Variants in ARHGAP6 observed in about 807,000 individuals in gnomAD.
The protein encoded by ARHGAP6 is rho GTPase-activating protein 6.
In ARHGAP6, 16 loss-of-function variants were observed where a neutral mutation model predicts 55.7. The ratio of observed to expected loss-of-function variants is 0.29; its 90% CI spans 0.19 to 0.44. The LOEUF (loss-of-function observed/expected upper bound fraction) is 0.44. Among genes scored for constraint, ARHGAP6 ranks in the 20% least tolerant of loss-of-function variants. The pLI is 1.00. For synonymous variants in ARHGAP6, 382 were observed against 360.9 expected, an observed-to-expected ratio of 1.06 and a Z score of -0.66; for missense variants, 698 against 808.9, an observed-to-expected ratio of 0.86 and a Z score of 1.66.
intron 1 of ARHGAP6, among the ~76,000 whole-genome samples, chrX:11,400,275 A>G (rs1182534990): frequency 1.8e-5 from 2 of 111,429 alleles, no homozygotes; most frequent in Non-Finnish European, 3.8e-5. Context: ...TCACTGCAGG[A>G]GTTCAGTGGA....
chrX:11,234,299 A>C (rs190699515), intron 2 of ARHGAP6, among the ~76,000 whole-genome samples: 46 of 112,195 alleles, frequency 4.1e-4, no homozygotes, highest in Admixed American at 1.3e-3. Context: ...TCACTAGTTC[A>C]TACCTCTCTG....
intron 1 of ARHGAP6, among the ~76,000 whole-genome samples, chrX:11,324,829 T>C (rs1420905381): frequency 3.6e-5 from 4 of 112,316 alleles, no homozygotes; most frequent in African/African-American, 1.3e-4. Flanking sequence ...CTCTCATATA[T>C]GCAGCACAAA....
intron 1 of ARHGAP6, among the ~76,000 whole-genome samples, chrX:11,547,391 T>C (rs2051221990): frequency 8.9e-6 from 1 of 112,072 alleles, no homozygotes; most frequent in African/African-American, 3.2e-5. Flanking sequence ...AGATTCTGCA[T>C]TTCTAATTAT....
intron 1 of ARHGAP6, among the ~76,000 whole-genome samples, chrX:11,653,981 C>A (rs7063304): frequency 0.33 from 35,975 of 110,305 alleles, 4,438 homozygotes; most frequent in African/African-American, 0.44. Context: ...CATCATCATC[C>A]TCACCCATCA....
At chrX:11,483,884 G>T (rs2050484409) in intron 1 of ARHGAP6, among the ~76,000 whole-genome samples, 2 of 111,543 alleles carry the variant, frequency 1.8e-5, no homozygotes, top group Admixed American at 1.9e-4. Context: ...AGTGGAAGAA[G>T]TTAAAGCCAG....
intron 1 of ARHGAP6, among the ~76,000 whole-genome samples, chrX:11,588,759 TGAG>T (rs1478203544): frequency 1.8e-5 from 2 of 111,792 alleles, no homozygotes; most frequent in African/African-American, 6.5e-5. Context: ...TTCTTAGGGC[TGAG>T]GAGGAGAACG....
intron 1 of ARHGAP6, among the ~76,000 whole-genome samples, chrX:11,537,879 G>A (rs2051119210): frequency 9.1e-6 from 1 of 110,222 alleles, no homozygotes; most frequent in African/African-American, 3.3e-5. Flanking sequence ...GAGAGAATGA[G>A]AATTAAAAAA....
chrX:11,473,544 C>T (rs1423178129), intron 1 of ARHGAP6, among the ~76,000 whole-genome samples: 1 of 111,263 alleles, frequency 9.0e-6, no homozygotes, highest in Non-Finnish European at 1.9e-5. Context: ...GAGGCAGAGA[C>T]TGGAGTCATG....
chrX:11,275,461 C>G (rs780502013), intron 1 of ARHGAP6, among the ~76,000 whole-genome samples: 2 of 111,647 alleles, frequency 1.8e-5, no homozygotes, highest in Non-Finnish European at 3.8e-5. Flanking sequence ...TCCTATGTCT[C>G]TCCTACTCAC....
chrX:11,410,965 G>A (rs1268835205), intron 1 of ARHGAP6, among the ~76,000 whole-genome samples: 1 of 107,409 alleles, frequency 9.3e-6, no homozygotes, highest in African/African-American at 3.4e-5. Flanking sequence ...AATAAAAAGA[G>A]AGAAACAAAC....
At chrX:11,661,072 G>A (rs764643096) in intron 1 of ARHGAP6, among the ~76,000 whole-genome samples, 12 of 112,191 alleles carry the variant, frequency 1.1e-4, no homozygotes, top group Admixed American at 2.8e-4. Context: ...AAGTATAGAC[G>A]CCAGTGATAT....
chrX:11,294,012 C>G (rs1281008086), intron 1 of ARHGAP6, among the ~76,000 whole-genome samples: 3 of 112,464 alleles, frequency 2.7e-5, no homozygotes, highest in Non-Finnish European at 5.6e-5. Context: ...TTAGGAGGAC[C>G]TGTTTTGCTT....
chrX:11,231,621 T>C (rs986086502), intron 2 of ARHGAP6, among the ~76,000 whole-genome samples: 2 of 112,264 alleles, frequency 1.8e-5, no homozygotes, highest in Non-Finnish European at 3.8e-5. Context: ...TAAATTAAGG[T>C]GATCCAGTCA....
intron 1 of ARHGAP6, among the ~76,000 whole-genome samples, chrX:11,322,252 G>A (rs2048441970): frequency 9.0e-6 from 1 of 111,688 alleles, no homozygotes; most frequent in Non-Finnish European, 1.9e-5. Flanking sequence ...CAGCATCCTT[G>A]GCCAGTAGCA....
chrX:11,465,945 C>CCTCCTCCTCCTCTTCCTT (rs1556022951), intron 1 of ARHGAP6, among the ~76,000 whole-genome samples: 81 of 110,142 alleles, frequency 7.4e-4, no homozygotes, highest in Non-Finnish European at 1.3e-3. Context: ...TCCTCCTCTT[C>CCTCCTCCTCCTCTTCCTT]CTCCTCCTCC....
intron 1 of ARHGAP6, among the ~76,000 whole-genome samples, chrX:11,267,288 G>C (rs1381218136): frequency 8.9e-6 from 1 of 112,159 alleles, no homozygotes; most frequent in African/African-American, 3.2e-5. Flanking sequence ...ATGTAGTTCT[G>C]ACTGAGCACT....
intron 2 of ARHGAP6, among the ~76,000 whole-genome samples, chrX:11,239,063 T>C (rs980519534): frequency 8.9e-6 from 1 of 111,743 alleles, no homozygotes; most frequent in African/African-American, 3.2e-5. Context: ...TCTATAGTTT[T>C]GTTGATAGCA....
chrX:11,519,457 C>T (rs2050888340), intron 1 of ARHGAP6, among the ~76,000 whole-genome samples: 1 of 105,755 alleles, frequency 9.5e-6, no homozygotes, highest in African/African-American at 3.7e-5. Context: ...CTGTTCATGT[C>T]CTTCGCCCAC....
In ARHGAP6 at chrX:11,354,291, CTCTT is replaced by C. The variant is rs1320926040; in HGVS notation, c.589-99588_589-99585del. Among the ~76,000 whole-genome samples the C allele has an allele frequency of 1.3e-3, 95 of 70,751 alleles. 1 individual carries two copies. The highest frequency in any genetic ancestry group is 3.2e-3 in the Admixed American group (18 of 5,567). 61.4% of individuals were successfully genotyped at this position (70,751 alleles called of 115,157 possible). On this transcript the variant is annotated intron_variant, in intron 1 of 12. Coordinates refer to ENST00000337414, the MANE Select transcript of ARHGAP6 (RefSeq NM_013427.3). ...GCTCTCTCTCTCTCTCTCTCTCTCT[CTCTT>C]TCTCTCTCTCTCTCTCTCTCTCTCT...
Sources: allele counts gnomAD v4.1 joint callset (sites outside exome capture counted in the v4.1 genomes callset), GRCh38; gene constraint gnomAD v4.1.1; transcripts MANE v1.5; gene names NCBI Gene and HGNC (gene_info 2026-07-23, HGNC 2026-07-21).